Variants in ANK3 observed in about 807,000 individuals in gnomAD.
The protein encoded by ANK3 is ankyrin-3.
ANK3 carries 57 observed loss-of-function variants against 370.9 expected under a neutral mutation model. The ratio of observed to expected loss-of-function variants is 0.15; its 90% CI spans 0.12 to 0.19. The LOEUF (loss-of-function observed/expected upper bound fraction) is 0.19, where lower values mean the gene tolerates loss of function less well. ANK3 is among the 10% of genes least tolerant of loss of function. The pLI, the probability that ANK3 is intolerant of heterozygous loss-of-function variation, is 1.00. For missense variants in ANK3, 4,439 were observed against 5,302.1 expected (o/e 0.84, Z 5.06); for synonymous variants, 1,929 against 1,946.3 (o/e 0.99, Z 0.23).
chr10:60,628,869 C>T (rs534115011), intron 1 of ANK3, among the ~76,000 whole-genome samples: 4 of 152,224 alleles, frequency 2.6e-5, no homozygotes, highest in African/African-American at 9.6e-5. Context: ...ACATGACATG[C>T]CTAACATTTC....
chr10:60,121,403 T>G (rs56371454), intron 25 of ANK3, among the ~76,000 whole-genome samples: 5 of 146,382 alleles, frequency 3.4e-5, no homozygotes, highest in Admixed American at 6.7e-5. Context: ...AAAGGAAGAA[T>G]GAATAAAGGC....
intron 2 of ANK3, among the ~76,000 whole-genome samples, chr10:60,464,368 T>C (rs1393292618): frequency 6.6e-6 from 1 of 152,070 alleles, no homozygotes. Context: ...TCCTAAAAAA[T>C]ATTTTTTCTG....
intron 23 of ANK3, among the ~76,000 whole-genome samples, chr10:60,145,172 C>A (rs904794149): frequency 2.0e-5 from 3 of 152,072 alleles, no homozygotes; most frequent in Non-Finnish European, 2.9e-5. Context: ...CAGAATCTCC[C>A]ATTATAAAGT....
intron 2 of ANK3, among the ~76,000 whole-genome samples, chr10:60,547,596 C>T (rs973178787): frequency 5.3e-5 from 8 of 151,514 alleles, no homozygotes; most frequent in East Asian, 2.0e-4. Flanking sequence ...GAGCTGGTCT[C>T]GAACTCCTGA....
In ANK3 at chr10:60,557,247, G is replaced by T. The variant is rs12254611; in HGVS notation, c.96+57939C>A. 1.8e-3 allele frequency among the ~76,000 whole-genome samples: 267 copies of T among 152,212 alleles called. 1 individual carries two copies. Among genetic ancestry groups the T allele is most frequent in the African/African-American group, 5.8e-3 (242 of 41,548 alleles). ...GGCAAAAAATAGAAACAACCCAAAT[G>T]TCCATCAACAGATGGACAAAATGTG... On this transcript the variant is annotated intron_variant, in intron 2 of 43. Transcript: ENST00000373827.
intron 8 of ANK3, among the ~76,000 whole-genome samples, chr10:60,218,061 G>A (rs937166807): frequency 6.7e-6 from 1 of 150,062 alleles, no homozygotes; most frequent in African/African-American, 2.5e-5. Flanking sequence ...TTTTGTCAGA[G>A]ACTAGGATTG....
chr10:60,494,142 G>C (rs2075594988), intron 2 of ANK3, among the ~76,000 whole-genome samples: 1 of 152,148 alleles, frequency 6.6e-6, no homozygotes, highest in Non-Finnish European at 1.5e-5. Context: ...CTGTCCTGCA[G>C]ATTTTGGACT....
At chr10:60,182,582 C>T (rs931694147) in intron 17 of ANK3, among the ~76,000 whole-genome samples, 1 of 152,144 alleles carries the variant, frequency 6.6e-6, no homozygotes, top group African/African-American at 2.4e-5. Context: ...TTTTCTCCCC[C>T]TCTAGCATCT....
chr10:60,456,718 T>C (rs2064757619), intron 2 of ANK3, among the ~76,000 whole-genome samples: 1 of 152,198 alleles, frequency 6.6e-6, no homozygotes, highest in Non-Finnish European at 1.5e-5. Flanking sequence ...CAGTCTTAGC[T>C]GCTAGTCTTC....
At chr10:60,108,284 T>G (rs747754854) in intron 27 of ANK3, 6 of 399,746 alleles carry the variant, frequency 1.5e-5, no homozygotes, top group Non-Finnish European at 2.9e-5. Flanking sequence ...AAGATGCAGT[T>G]TACTGAATAA....
chr10:60,355,517 C>T (rs1452115568), intron 1 of ANK3, among the ~76,000 whole-genome samples: 1 of 152,118 alleles, frequency 6.6e-6, no homozygotes, highest in Non-Finnish European at 1.5e-5. Flanking sequence ...TTCCATATGG[C>T]TTTATCACTT....
intron 7 of ANK3, among the ~76,000 whole-genome samples, chr10:60,249,159 G>GAT (rs1257908806): frequency 6.6e-6 from 1 of 152,230 alleles, no homozygotes; most frequent in East Asian, 1.9e-4. Flanking sequence ...TGAGTAGAGA[G>GAT]ATATATATAG....
intron 28 of ANK3, among the ~76,000 whole-genome samples, chr10:60,091,222 C>G (rs932083664): frequency 1.3e-5 from 2 of 152,262 alleles, no homozygotes; most frequent in African/African-American, 4.8e-5. Context: ...CTTATAAAGA[C>G]TAAAGCTTGA....
intron 2 of ANK3, among the ~76,000 whole-genome samples, chr10:60,577,867 A>G (rs541355919): frequency 6.6e-6 from 1 of 152,332 alleles, no homozygotes; most frequent in East Asian, 1.9e-4. Flanking sequence ...ACATTGGTAC[A>G]TCTTCTTACA....
intron 1 of ANK3, among the ~76,000 whole-genome samples, chr10:60,640,818 G>A (rs1220436886): frequency 3.9e-5 from 4 of 101,796 alleles, no homozygotes; most frequent in Non-Finnish European, 8.6e-5. Flanking sequence ...GAAATAAAGG[G>A]TATTCAATTA....
chr10:60,235,334 G>A (rs984389478), intron 7 of ANK3, among the ~76,000 whole-genome samples: 11 of 152,200 alleles, frequency 7.2e-5, no homozygotes, highest in African/African-American at 2.2e-4. Context: ...ACAGGCATTT[G>A]TTAGCAGTCT....
chr10:60,164,643 G>A (rs2095578044), intron 23 of ANK3, among the ~76,000 whole-genome samples: 1 of 152,158 alleles, frequency 6.6e-6, no homozygotes, highest in Admixed American at 6.5e-5. Flanking sequence ...GAATCAATGA[G>A]TAGATGCTAC....
intron 2 of ANK3, among the ~76,000 whole-genome samples, chr10:60,398,312 G>A (rs1349887419): frequency 6.6e-6 from 1 of 152,184 alleles, no homozygotes. Flanking sequence ...CTGCAGGCCT[G>A]TTTGCTGACT....
chr10:60,488,500 T>A (rs2133115098), intron 2 of ANK3, among the ~76,000 whole-genome samples: 1 of 152,304 alleles, frequency 6.6e-6, no homozygotes, highest in African/African-American at 2.4e-5. Context: ...GCAACCATCA[T>A]AATTAATTTT....
Sources: allele counts gnomAD v4.1 joint callset (sites outside exome capture counted in the v4.1 genomes callset), GRCh38; gene constraint gnomAD v4.1.1; transcripts MANE v1.5; gene names NCBI Gene and HGNC (gene_info 2026-07-23, HGNC 2026-07-21).